Variants in SMAD2 observed in about 807,000 individuals in gnomAD.
SMAD2 encodes SMAD family member 2, also known as MAD homolog 2.
Under a neutral mutation model 64.4 loss-of-function variants are expected in SMAD2, and 8 were observed. That is an observed-to-expected ratio of 0.12 (90% CI 0.07 to 0.22). The LOEUF is 0.22. SMAD2 is among the 10% of genes least tolerant of loss of function. SMAD2 has a pLI of 1.00. For synonymous variants in SMAD2, 203 were observed against 195.8 expected (o/e 1.04, Z -0.31); for missense variants, 289 against 561.2 (o/e 0.51, Z 4.90).
chr18:47,911,932 A>G (rs1737521893), intron 1 of SMAD2, among the ~76,000 whole-genome samples: 1 of 152,226 alleles, frequency 6.6e-6, no homozygotes, highest in Admixed American at 6.5e-5. Flanking sequence ...CCCCTGTTGG[A>G]TTCCTACTCT....
At chr18:47,842,917 GAATA>G (rs1293135429) in intron 10 of SMAD2, among the ~76,000 whole-genome samples, 1 of 152,166 alleles carries the variant, frequency 6.6e-6, no homozygotes, top group African/African-American at 2.4e-5. Flanking sequence ...TTGCTATACA[GAATA>G]AAGTCAATAA....
At chr18:47,876,456 TG>T (rs1194016835) in intron 2 of SMAD2, among the ~76,000 whole-genome samples, 1 of 152,068 alleles carries the variant, frequency 6.6e-6, no homozygotes, top group Non-Finnish European at 1.5e-5. Flanking sequence ...GTTCTTTGCA[TG>T]GAACAGTTTC....
intron 2 of SMAD2, among the ~76,000 whole-genome samples, chr18:47,880,194 AT>A (rs1179157841): frequency 6.6e-6 from 1 of 152,214 alleles, no homozygotes; most frequent in Non-Finnish European, 1.5e-5. Flanking sequence ...ACTGCTTTCT[AT>A]ATACTTTGAA....
At chr18:47,850,247 T>TA (rs1491113375) in intron 7 of SMAD2, among the ~76,000 whole-genome samples, 6 of 69,702 alleles carry the variant, frequency 8.6e-5, no homozygotes, top group Admixed American at 2.6e-4. Context: ...TATTATATAT[T>TA]ATATATATTA....
At chr18:47,871,973 G>C (rs1029708220) in intron 2 of SMAD2, among the ~76,000 whole-genome samples, 3 of 152,136 alleles carry the variant, frequency 2.0e-5, no homozygotes, top group Non-Finnish European at 4.4e-5. Context: ...CTCTGTATCA[G>C]AACATTTCAC....
rs1555638619 is a variant in SMAD2 at position 47,811,484 on chromosome 18, A to AAG, written c.*30342_*30343insCT. 2 of 151,790 alleles carry AAG rather than the reference A, an allele frequency of 1.3e-5. No homozygotes were observed. Among genetic ancestry groups the AAG allele is most frequent in the African/African-American group, 4.8e-5 (2 of 41,292 alleles). 9.4% of individuals were successfully genotyped at this position (151,790 alleles called of 1,614,324 possible). On this transcript the variant is annotated 3_prime_UTR_variant, in exon 11 of 11. Coordinates refer to ENST00000262160, the MANE Select transcript of SMAD2 (RefSeq NM_005901.6). ...GACCTCGTCTCAAAAAAAAAAAAAA[A>AAG]AAAAAGAAAAAGAAATAAGGTAATT... is the stretch of plus-strand genomic sequence containing the variant.
At chr18:47,913,748 T>A (rs79460319) in intron 1 of SMAD2, among the ~76,000 whole-genome samples, 1 of 152,204 alleles carries the variant, frequency 6.6e-6, no homozygotes, top group Non-Finnish European at 1.5e-5. Flanking sequence ...CAAGTTGCTA[T>A]CAAAACGTGA....
intron 10 of SMAD2, 49 bp downstream of exon 10, chr18:47,845,291 A>C (rs772061644): frequency 5.9e-6 from 9 of 1,537,032 alleles, no homozygotes; most frequent in Non-Finnish European, 8.1e-6. Flanking sequence ...GAATGCAATG[A>C]AACATAATTA....
chr18:47,849,402 A>C (rs1914859935), intron 7 of SMAD2, among the ~76,000 whole-genome samples: 1 of 152,082 alleles, frequency 6.6e-6, no homozygotes, highest in African/African-American at 2.4e-5. Context: ...TTGTAGAATA[A>C]ATTCCAAACA....
At chr18:47,897,249 C>G (rs3813069) in intron 1 of SMAD2, among the ~76,000 whole-genome samples, 8,510 of 152,112 alleles carry the variant, frequency 0.056, 625 homozygotes, top group East Asian at 0.21. Flanking sequence ...TAATAGGAGG[C>G]AAAATCTACA....
intron 1 of SMAD2, among the ~76,000 whole-genome samples, chr18:47,910,137 C>A (rs1177366765): frequency 6.7e-6 from 1 of 149,892 alleles, no homozygotes; most frequent in Non-Finnish European, 1.5e-5. Flanking sequence ...TACACCAGAG[C>A]CTATCGAGGA....
chr18:47,908,341 G>T (rs948604), intron 1 of SMAD2, among the ~76,000 whole-genome samples: 95,104 of 151,996 alleles, frequency 0.63, 30,958 homozygotes, highest in East Asian at 0.82. Flanking sequence ...TAATTGACCC[G>T]TGGACAACAT....
At chr18:47,904,141 G>T (rs1179320175) in intron 1 of SMAD2, among the ~76,000 whole-genome samples, 1 of 151,360 alleles carries the variant, frequency 6.6e-6, no homozygotes, top group African/African-American at 2.4e-5. Flanking sequence ...GATAGAAAGA[G>T]AATCTGCACT....
Position 47,815,667 on chromosome 18 carries a change from G to A in SMAD2, c.*26160C>T, listed in dbSNP as rs1912341492. The A allele has an allele frequency of 6.6e-6, 1 of 152,260 alleles. No homozygotes were observed. Among genetic ancestry groups the A allele is most frequent in the African/African-American group, 2.4e-5 (1 of 41,452 alleles). The allele number at this position is 152,260 out of a possible 1,614,324, so 9.4% of individuals were successfully genotyped here. On this transcript the variant is annotated 3_prime_UTR_variant, in exon 11 of 11. Coordinates refer to ENST00000262160, the MANE Select transcript of SMAD2 (RefSeq NM_005901.6). Reference sequence around the variant, plus strand: ...GCACGCAAGGGCAACTGCAGCAAATGGAGGGGTGATTTAGTAAGGAGGGGG... The same window carrying A: ...GCACGCAAGGGCAACTGCAGCAAATAGAGGGGTGATTTAGTAAGGAGGGGG...
At chr18:47,899,520 C>G (rs2033591189) in intron 1 of SMAD2, among the ~76,000 whole-genome samples, 1 of 152,086 alleles carries the variant, frequency 6.6e-6, no homozygotes, top group African/African-American at 2.4e-5. Context: ...CATGGTAACA[C>G]AACTTTTAAG....
rs62088123 is a variant in SMAD2, at chr18:47,928,990, T to C, written c.-54+1371A>G. Among the ~76,000 whole-genome samples the C allele has an allele frequency of 3.4e-3, 522 of 152,366 alleles. 2 individuals are homozygous for C. The highest frequency in any genetic ancestry group is 5.9e-3 in the Non-Finnish European group (403 of 68,022). ...GTTTACGGCAACGGCTAAGGAACTT[T>C]AAAAATAAAAGTATTACTTTTGAAT... On this transcript the variant is annotated intron_variant, in intron 1 of 10. Coordinates refer to ENST00000262160, the MANE Select transcript of SMAD2 (RefSeq NM_005901.6).
intron 6 of SMAD2, among the ~76,000 whole-genome samples, chr18:47,862,176 G>T (rs1372030020): frequency 1.3e-5 from 2 of 152,034 alleles, no homozygotes. Flanking sequence ...TCTAATTTTT[G>T]TATATATTTT....
At chr18:47,917,378 C>A (rs1047892115) in intron 1 of SMAD2, among the ~76,000 whole-genome samples, 2 of 152,134 alleles carry the variant, frequency 1.3e-5, no homozygotes, top group African/African-American at 4.8e-5. Context: ...AGGAGTATCT[C>A]CACTTGTAAA....
intron 1 of SMAD2, among the ~76,000 whole-genome samples, chr18:47,927,390 T>C (rs989948695): frequency 5.3e-5 from 8 of 152,222 alleles, no homozygotes; most frequent in African/African-American, 1.9e-4. Flanking sequence ...ACTTTAGGAA[T>C]GGCTCAGTAA....
Sources: allele counts gnomAD v4.1 joint callset (sites outside exome capture counted in the v4.1 genomes callset), GRCh38; gene constraint gnomAD v4.1.1; transcripts MANE v1.5; gene names NCBI Gene and HGNC (gene_info 2026-07-23, HGNC 2026-07-21).